Variants in RYR2 observed in about 807,000 individuals in gnomAD.
The protein encoded by RYR2 is cardiac muscle ryanodine receptor-calcium release channel.
Under a neutral mutation model 601.1 loss-of-function variants are expected in RYR2, and 227 were observed. The observed-to-expected ratio is 0.38, with a 90% CI of 0.34 to 0.42. The LOEUF is 0.42. Ranked by LOEUF, RYR2 falls within the 10% of genes least tolerant of loss-of-function variation. The probability of loss-of-function intolerance (pLI) is 1.00; values close to 1 mark genes in which losing one functional copy is unlikely to be tolerated. For synonymous variants in RYR2, 2,223 were observed against 2,175.1 expected, an observed-to-expected ratio of 1.02 and a Z score of -0.61; for missense variants, 4,646 against 6,156.5, an observed-to-expected ratio of 0.75 and a Z score of 8.21.
rs534303016 is a variant in RYR2 at position 237,118,738 on chromosome 1, G to A, written c.48+76169G>A. On this transcript the variant is annotated intron_variant, in intron 1 of 104. Coordinates refer to ENST00000366574, the MANE Select transcript of RYR2 (RefSeq NM_001035.3). ...CCTGCCTCAGCCTCCCGAGTAGCTG[G>A]GACTACAGGCATGGACCACCACGCC... 2.1e-3 allele frequency among the ~76,000 whole-genome samples: 312 copies of A among 152,056 alleles called. 1 individual carries two copies. The highest frequency in any genetic ancestry group is 7.2e-3 in the African/African-American group (299 of 41,464).
intron 17 of RYR2, among the ~76,000 whole-genome samples, chr1:237,471,649 T>C (rs1254992509): frequency 3.9e-5 from 6 of 152,200 alleles, no homozygotes; most frequent in African/African-American, 1.4e-4. Context: ...AGAAAAGACA[T>C]GAACAGAGCC....
At chr1:237,267,752 G>A (rs1165423237) in intron 1 of RYR2, 1 of 158,524 alleles carries the variant, frequency 6.3e-6, no homozygotes, top group African/African-American at 2.4e-5. Flanking sequence ...TACAGATAGA[G>A]AAGCACTTTA....
intron 71 of RYR2, among the ~76,000 whole-genome samples, chr1:237,716,676 G>C (rs1452195489): frequency 6.6e-6 from 1 of 151,704 alleles, no homozygotes; most frequent in African/African-American, 2.4e-5. Flanking sequence ...TACTAGACGG[G>C]GACTGAGGCT....
Position 237,595,646 on chromosome 1 carries a change from A to C in RYR2, c.4585A>C (p.Thr1529Pro), listed in dbSNP as rs765195072. Reference sequence around the variant, plus strand: ...CATTGCCAATGGCAAGGAACTGAGCACATACTATCAGGTACGCGGTCAGTG... The same window carrying C: ...CATTGCCAATGGCAAGGAACTGAGCCCATACTATCAGGTACGCGGTCAGTG... Reference protein sequence around the residue: ...TFIANGKELSTYYQVEPSTKL... With the variant: ...TFIANGKELSPYYQVEPSTKL... Residue 1529 changes from threonine to proline, a missense_variant, in exon 34 of 105, where the codon ACA (threonine) becomes CCA (proline). Around this residue, in one of 17 missense-constraint regions of RYR2, gnomAD observed 1,807 missense variants for 2,088.1 expected, o/e 0.87. Transcript: ENST00000366574. 9.3e-6 allele frequency: 15 copies of C among 1,611,650 alleles called. 1 individual carries two copies. The highest frequency in any genetic ancestry group is 1.6e-4 in the Middle Eastern group (1 of 6,070).
intron 25 of RYR2, among the ~76,000 whole-genome samples, chr1:237,540,101 A>G (rs2257096): frequency 0.36 from 55,195 of 151,944 alleles, 10,609 homozygotes; most frequent in East Asian, 0.48. Flanking sequence ...TCTATTCTTA[A>G]TTTCACGCAT....
chr1:237,416,759 CACACAG>C (rs1326504038), intron 10 of RYR2, among the ~76,000 whole-genome samples: 2 of 138,914 alleles, frequency 1.4e-5, no homozygotes, highest in South Asian at 2.3e-4. Context: ...AACACACACA[CACACAG>C]AGAGAGAGAG....
At chr1:237,657,685 T>A (rs1001640253) in intron 53 of RYR2, among the ~76,000 whole-genome samples, 11 of 151,518 alleles carry the variant, frequency 7.3e-5, no homozygotes, top group Non-Finnish European at 1.3e-4. Flanking sequence ...ATAATTGTTA[T>A]TATAGTTTTA....
At chr1:237,709,733 A>T (rs1477593194) in intron 70 of RYR2, among the ~76,000 whole-genome samples, 166 bp downstream of exon 70, 1 of 152,180 alleles carries the variant, frequency 6.6e-6, no homozygotes, top group African/African-American at 2.4e-5. Context: ...TAAAAAAATC[A>T]CAGGGATTTT....
intron 14 of RYR2, among the ~76,000 whole-genome samples, chr1:237,446,671 G>A (rs2805420): frequency 0.068 from 10,366 of 152,010 alleles, 1,000 homozygotes; most frequent in African/African-American, 0.22. Flanking sequence ...GTGTGTGCCT[G>A]TATGTAACCA....
chr1:237,335,672 T>C (rs1385363145), intron 3 of RYR2, among the ~76,000 whole-genome samples: 1 of 152,186 alleles, frequency 6.6e-6, no homozygotes, highest in Non-Finnish European at 1.5e-5. Flanking sequence ...GGTCCCTTTA[T>C]TATTAGAATA....
intron 9 of RYR2, 29 bp from the exon 10 acceptor site, chr1:237,388,058 C>T (rs1702084505): frequency 6.3e-7 from 1 of 1,594,142 alleles, no homozygotes; most frequent in African/African-American, 1.3e-5. Flanking sequence ...ACTGACAGTC[C>T]AGACCTGAAT....
rs1667911675 is a variant in RYR2, at chr1:237,529,542, ATAT to A, written c.2823-881_2823-879del. On this transcript the variant is annotated intron_variant, in intron 24 of 104. Transcript: ENST00000366574. ...ATCAACCTATCCACACATTATTAAA[ATAT>A]TATAGAGATAAGTATTATGGGTTTT... 2.6e-5 allele frequency among the ~76,000 whole-genome samples: 4 copies of A among 152,102 alleles called. No homozygotes were observed. The South Asian group carries it at 8.3e-4, about 31-fold the overall frequency.
chr1:237,271,128 T>A (rs1572426398), intron 2 of RYR2, among the ~76,000 whole-genome samples: 1 of 152,142 alleles, frequency 6.6e-6, no homozygotes, highest in Non-Finnish European at 1.5e-5. Context: ...ATGGCTTTTT[T>A]TTTTCCTCAA....
At chr1:237,636,919 G>A (rs956566905) in intron 44 of RYR2, among the ~76,000 whole-genome samples, 16 of 152,184 alleles carry the variant, frequency 1.1e-4, no homozygotes, top group Non-Finnish European at 5.9e-5. Context: ...TATGCTGAGC[G>A]AAAGAAGCCA....
rs954152034 is a variant in RYR2 at position 237,548,688 on chromosome 1, A to G, written c.3066+98A>G. On this transcript the variant is annotated intron_variant, in intron 26 of 104. Coordinates refer to ENST00000366574, the MANE Select transcript of RYR2 (RefSeq NM_001035.3). ...ACATAATGACTATTTTAAAACTTGT[A>G]TCATATAGATCACATATAGTGCACA... The G allele has an allele frequency of 3.4e-5, 48 of 1,397,620 alleles. 1 individual carries two copies. In the Middle Eastern group the frequency reaches 1.8e-3, roughly 53 times the overall value. The allele number at this position is 1,397,620 out of a possible 1,614,324, so 86.6% of individuals were successfully genotyped here.
At chr1:237,568,869 C>T (rs755567119) in intron 28 of RYR2, among the ~76,000 whole-genome samples, 4 of 151,986 alleles carry the variant, frequency 2.6e-5, no homozygotes, top group Admixed American at 6.6e-5. Flanking sequence ...ATGTGAGGTT[C>T]GATTTTTAAA....
Position 237,129,167 on chromosome 1 carries a change from G to T in RYR2, c.48+86598G>T, listed in dbSNP as rs563399099. ...GCCTTCTCTCATCTGGATTACTGCA[G>T]TGCAGTAGCATCCCAGCTGGTATTC... On this transcript the variant is annotated intron_variant, in intron 1 of 104. Coordinates refer to ENST00000366574, the MANE Select transcript of RYR2 (RefSeq NM_001035.3). Among the ~76,000 whole-genome samples, 34 of 152,302 alleles carry T rather than the reference G, an allele frequency of 2.2e-4. 1 individual carries two copies. The South Asian group carries it at 6.6e-3, about 30-fold the overall frequency.
intron 1 of RYR2, among the ~76,000 whole-genome samples, chr1:237,237,994 G>A (rs1228561730): frequency 7.5e-5 from 1 of 13,318 alleles, no homozygotes; most frequent in African/African-American, 1.2e-4. Context: ...TTCCAACAGG[G>A]TTTTATTCTG....
chr1:237,699,655 T>A (rs769341575), intron 64 of RYR2, among the ~76,000 whole-genome samples: 2 of 152,234 alleles, frequency 1.3e-5, no homozygotes, highest in Non-Finnish European at 2.9e-5. Flanking sequence ...TATCCATTCT[T>A]GCGTTTAAGA....
Sources: gnomAD v4.1 joint callset for allele counts (sites outside exome capture counted in the v4.1 genomes callset) on GRCh38, gnomAD v4.1.1 for gene constraint, gnomAD v4.1.1 regional missense constraint, MANE v1.5 for transcripts, NCBI Gene and HGNC (gene_info 2026-07-23, HGNC 2026-07-21) for gene names.